Variants in ZNF83 observed in about 807,000 individuals in gnomAD.
ZNF83 encodes zinc finger protein 83.
For missense variants in ZNF83, 552 were observed against 629.9 expected (o/e 0.88, Z 1.32); for synonymous variants, 209 against 213.0 (o/e 0.98, Z 0.17).
chr19:52,632,812 T>C lies in ZNF83; in HGVS notation c.-234+2254A>G, dbSNP rs144549879. On this transcript the variant is annotated intron_variant, in intron 2 of 2. Coordinates refer to ENST00000301096, the Ensembl canonical transcript of ZNF83. ...ACTGTATCCAGGCCATCACCAATAA[T>C]TCTAAATGATAAATGTTTCTTCCAA... Among the ~76,000 whole-genome samples the C allele has an allele frequency of 9.4e-3, 1,438 of 152,208 alleles. 24 individuals are homozygous for C. The highest frequency in any genetic ancestry group is 0.032 in the African/African-American group (1,337 of 41,506).
chr19:52,642,005 A>T (rs1400928150), upstream of ZNF83, among the ~76,000 whole-genome samples: 1 of 152,182 alleles, frequency 6.6e-6, no homozygotes, highest in Non-Finnish European at 1.5e-5. Context: ...CCTTTCACTG[A>T]ATACACAATT....
exon 3 of ZNF83, chr19:52,614,671 T>C (rs186746556): frequency 7.3e-7 from 1 of 1,366,514 alleles, no homozygotes; most frequent in Non-Finnish European, 9.5e-7. Context: ...TTTCTGGGTT[T>C]CTCTGAAGCA....
At chr19:52,639,415 ATTTTTTTT>A (rs1160711365), upstream of ZNF83, among the ~76,000 whole-genome samples, 1 of 86,350 alleles carries the variant, frequency 1.2e-5, no homozygotes, top group Admixed American at 1.7e-4. Context: ...AGTTTTTTCT[ATTTTTTTT>A]TTTTTTTTTT....
intron 3 of ZNF83, chr19:52,652,239 CA>C (rs2061451199): frequency 4.4e-6 from 1 of 225,236 alleles, no homozygotes; most frequent in Non-Finnish European, 8.8e-6. Context: ...GAGTTGAGAG[CA>C]ACCAGGCCAA....
chr19:52,647,230 A>C (rs760709806), intron 3 of ZNF83, among the ~76,000 whole-genome samples: 4 of 152,210 alleles, frequency 2.6e-5, no homozygotes, highest in Non-Finnish European at 5.9e-5. Context: ...ATTCCAAGTG[A>C]AAACTAACCT....
exon 3 of ZNF83, chr19:52,612,862 A>T: frequency 3.2e-6 from 2 of 615,744 alleles, no homozygotes; most frequent in Non-Finnish European, 5.4e-6. Flanking sequence ...ACATTAGTAA[A>T]GTTTCTGTCC....
chr19:52,634,100 T>C (rs562240617), intron 2 of ZNF83, among the ~76,000 whole-genome samples: 2 of 151,966 alleles, frequency 1.3e-5, no homozygotes, highest in African/African-American at 4.8e-5. Flanking sequence ...TGAAACCCTG[T>C]GTCTACTAAA....
At chr19:52,686,435 C>T (rs895815472) in intron 1 of ZNF83, among the ~76,000 whole-genome samples, 2 of 146,934 alleles carry the variant, frequency 1.4e-5, no homozygotes, top group Non-Finnish European at 3.0e-5. Context: ...AGATTTTTCT[C>T]AAACTCCAAC....
chr19:52,641,020 G>C (rs536282080), upstream of ZNF83, among the ~76,000 whole-genome samples: 1 of 152,096 alleles, frequency 6.6e-6, no homozygotes, highest in Admixed American at 6.5e-5. Context: ...GCTGAGGAGA[G>C]AGCCCGAACC....
rs190536625 is a variant in ZNF83 at position 52,655,220 on chromosome 19, C to T, written c.-74+341G>A. On this transcript the variant is annotated intron_variant, in intron 3 of 5. Coordinates refer to the ZNF83 transcript ENST00000594682. ...AAACAAAACAAAAGCAGAATCACAGCTGGAAACACTTGTCAGTCACTGTCA... is the reference window on the plus strand; with the variant it reads ...AAACAAAACAAAAGCAGAATCACAGTTGGAAACACTTGTCAGTCACTGTCA... The T allele has an allele frequency of 3.9e-3, 961 of 249,274 alleles. 3 individuals carry two copies. Among genetic ancestry groups the T allele is most frequent in the Non-Finnish European group, 5.7e-3 (757 of 131,902 alleles). The allele number at this position is 249,274 out of a possible 1,614,324, so 15.4% of individuals were successfully genotyped here.
At chr19:52,645,145 T>G (rs2061356409) in intron 3 of ZNF83, among the ~76,000 whole-genome samples, 1 of 152,012 alleles carries the variant, frequency 6.6e-6, no homozygotes, top group Non-Finnish European at 1.5e-5. Flanking sequence ...CAGCTCAAGA[T>G]TTTAACAAAT....
intron 1 of ZNF83, among the ~76,000 whole-genome samples, chr19:52,678,978 A>G (rs963370383): frequency 6.6e-6 from 1 of 152,090 alleles, no homozygotes; most frequent in South Asian, 2.1e-4. Flanking sequence ...CATCTCAAAA[A>G]AAAAAAAAAG....
intron 1 of ZNF83, among the ~76,000 whole-genome samples, chr19:52,664,272 G>C (rs2061617776): frequency 6.6e-6 from 1 of 151,630 alleles, no homozygotes; most frequent in Admixed American, 6.6e-5. Context: ...GATGCGGCTG[G>C]ATCCCTTAAG....
upstream of ZNF83, among the ~76,000 whole-genome samples, chr19:52,642,953 G>A (rs1456609214): frequency 6.6e-6 from 1 of 151,876 alleles, no homozygotes; most frequent in East Asian, 1.9e-4. Flanking sequence ...GGTCAGGAGT[G>A]CAAGACCAGC....
chr19:52,687,550 ATG>A (rs376336795), intron 1 of ZNF83, among the ~76,000 whole-genome samples: 3 of 72,076 alleles, frequency 4.2e-5, no homozygotes, highest in South Asian at 4.4e-4. Flanking sequence ...TATAAATTAT[ATG>A]TGTAAATTTT....
upstream of ZNF83, among the ~76,000 whole-genome samples, chr19:52,642,112 T>G (rs1216264421): frequency 6.6e-6 from 1 of 152,128 alleles, no homozygotes; most frequent in Non-Finnish European, 1.5e-5. Flanking sequence ...AGCAGTCAGA[T>G]AGGCATTTGA....
At chr19:52,653,588 G>A (rs543479346) in intron 3 of ZNF83, among the ~76,000 whole-genome samples, 1 of 152,096 alleles carries the variant, frequency 6.6e-6, no homozygotes, top group Admixed American at 6.5e-5. Flanking sequence ...CCAGTATGAC[G>A]TCTACGATGC....
chr19:52,683,116 C>T (rs979865132), intron 1 of ZNF83, among the ~76,000 whole-genome samples: 16 of 152,168 alleles, frequency 1.1e-4, no homozygotes, highest in African/African-American at 3.9e-4. Context: ...GTGATCCACC[C>T]GCCTTGGCCT....
chr19:52,685,512 T>A (rs1472902780), intron 1 of ZNF83, among the ~76,000 whole-genome samples: 3 of 152,110 alleles, frequency 2.0e-5, no homozygotes, highest in Non-Finnish European at 4.4e-5. Flanking sequence ...ATTCATAAAA[T>A]GCAGAAGTGT....
Sources: allele counts gnomAD v4.1 joint callset (sites outside exome capture counted in the v4.1 genomes callset), GRCh38; gene constraint gnomAD v4.1.1; transcripts MANE v1.5; gene names NCBI Gene and HGNC (gene_info 2026-07-23, HGNC 2026-07-21).